LVRN: variants seen among roughly 807,000 people sequenced by gnomAD.
LVRN encodes the protein aminopeptidase Q.
Under a neutral mutation model 111.4 loss-of-function variants are expected in LVRN, and 99 were observed. The ratio of observed to expected loss-of-function variants is 0.89; its 90% confidence interval spans 0.76 to 1.05. LVRN has a LOEUF of 1.05. Ranked by LOEUF, LVRN falls within the 50% of genes least tolerant of loss-of-function variation. The pLI, the probability that LVRN is intolerant of heterozygous loss-of-function variation, is 0.00. For synonymous variants in LVRN, 488 were observed against 449.5 expected, an observed-to-expected ratio of 1.09 and a Z score of -1.08; for missense variants, 1,414 against 1,206.8, an observed-to-expected ratio of 1.17 and a Z score of -2.54.
chr5:115,966,634 A>G (rs774914350), intron 1 of LVRN, among the ~76,000 whole-genome samples: 1 of 152,202 alleles, frequency 6.6e-6, no homozygotes. Flanking sequence ...TTTTTGTGTG[A>G]ACACAGTATT....
intron 1 of LVRN, among the ~76,000 whole-genome samples, chr5:115,965,065 C>T (rs919169173): frequency 1.3e-5 from 2 of 152,158 alleles, no homozygotes; most frequent in Non-Finnish European, 2.9e-5. Flanking sequence ...GAGTCTGTTT[C>T]CTCATTCACG....
chr5:116,010,996 C>T, intron 14 of LVRN, 102 bp downstream of exon 14: 1 of 654,810 alleles, frequency 1.5e-6, no homozygotes, highest in Non-Finnish European at 2.0e-6. Flanking sequence ...AAGTAATAGT[C>T]TTAGTTCCAT....
intron 4 of LVRN, among the ~76,000 whole-genome samples, 169 bp from the exon 5 acceptor site, chr5:115,991,946 AATTTATTT>A (rs1748000741): frequency 6.6e-6 from 1 of 152,204 alleles, no homozygotes; most frequent in African/African-American, 2.4e-5. Context: ...TAGTGAAAAT[AATTTATTT>A]GCTGGCTTTT....
At chr5:116,012,339 C>T (rs775491573) in intron 14 of LVRN, 35 bp from the exon 15 acceptor site, 1 of 1,169,482 alleles carries the variant, frequency 8.6e-7, no homozygotes, top group Admixed American at 2.1e-5. Flanking sequence ...GTTTGCAAGC[C>T]AGAACTAACA....
chr5:115,988,432 G>A (rs186477152), intron 4 of LVRN, among the ~76,000 whole-genome samples: 1,659 of 151,836 alleles, frequency 0.011, 19 homozygotes, highest in Non-Finnish European at 0.019. Flanking sequence ...AATCATATGT[G>A]AATATAATAT....
intron 9 of LVRN, 25 bp from the exon 10 acceptor site, chr5:116,001,042 C>G: frequency 6.4e-7 from 1 of 1,573,338 alleles, no homozygotes; most frequent in African/African-American, 1.4e-5. Flanking sequence ...ACCTTACCTG[C>G]CTTTGTGGTG....
intron 1 of LVRN, among the ~76,000 whole-genome samples, chr5:115,971,103 A>G (rs1753315588): frequency 1.3e-5 from 2 of 152,174 alleles, no homozygotes; most frequent in African/African-American, 2.4e-5. Context: ...TATTTTCCCA[A>G]TGACTAAAAA....
chr5:115,974,276 A>T (rs1265378385), intron 1 of LVRN, among the ~76,000 whole-genome samples: 1 of 152,188 alleles, frequency 6.6e-6, no homozygotes, highest in Admixed American at 6.5e-5. Context: ...CAAGTTGTTC[A>T]TAGGAGGTCA....
At chr5:115,967,959 G>C (rs1753237543) in intron 1 of LVRN, among the ~76,000 whole-genome samples, 3 of 152,148 alleles carry the variant, frequency 2.0e-5, no homozygotes, top group African/African-American at 7.2e-5. Context: ...GAACTCATGA[G>C]ATCTAGAGCT....
At chr5:115,997,409 AT>A (rs1427395603) in intron 6 of LVRN, among the ~76,000 whole-genome samples, 1 of 152,182 alleles carries the variant, frequency 6.6e-6, no homozygotes, top group East Asian at 1.9e-4. Context: ...CATGCCTGTG[AT>A]CCCAACACTT....
In LVRN at chr5:116,015,598, A is replaced by G. The variant is rs145517233; in HGVS notation, c.2619-30A>G. On this transcript the variant is annotated intron_variant, in intron 17 of 19. Transcript: ENST00000357872. ...TTAACTCTTTATGTTGGATGTTTAA[A>G]ATGTATTTTTTGAAAATGCACTTTT... is the stretch of plus-strand genomic sequence containing the variant. The G allele has an allele frequency of 6.3e-4, 999 of 1,584,634 alleles. 13 individuals are homozygous for G. In the East Asian group the frequency reaches 0.019, roughly 30 times the overall value.
chr5:116,003,567 G>GTT (rs561117310), intron 12 of LVRN, among the ~76,000 whole-genome samples, 187 bp downstream of exon 12: 1,449 of 123,588 alleles, frequency 0.012, 26 homozygotes, highest in African/African-American at 0.038. Flanking sequence ...TTGTCTGTGT[G>GTT]GTTTTTTTTT....
At chr5:115,967,155 A>G (rs1392955229) in intron 1 of LVRN, among the ~76,000 whole-genome samples, 1 of 152,144 alleles carries the variant, frequency 6.6e-6, no homozygotes, top group Non-Finnish European at 1.5e-5. Context: ...GTTTTACTTT[A>G]ATTTTGATGA....
chr5:115,981,150 A>G (rs1283582548), intron 1 of LVRN, among the ~76,000 whole-genome samples: 2 of 152,164 alleles, frequency 1.3e-5, no homozygotes, highest in Non-Finnish European at 1.5e-5. Context: ...ATCCCCTTAA[A>G]GACAGTAACC....
At chr5:115,964,775 A>G (rs1753167724) in intron 1 of LVRN, among the ~76,000 whole-genome samples, 1 of 152,228 alleles carries the variant, frequency 6.6e-6, no homozygotes, top group Non-Finnish European at 1.5e-5. Flanking sequence ...CCATATTTTC[A>G]GAACATTAAA....
At chr5:115,999,294 T>C (rs1455160712) in intron 6 of LVRN, among the ~76,000 whole-genome samples, 1 of 152,238 alleles carries the variant, frequency 6.6e-6, no homozygotes, top group Non-Finnish European at 1.5e-5. Flanking sequence ...TTTATGGATT[T>C]ATTTTCAATT....
At chr5:115,963,611 A>G (rs1162349649) in intron 1 of LVRN, among the ~76,000 whole-genome samples, 1 of 152,204 alleles carries the variant, frequency 6.6e-6, no homozygotes, top group East Asian at 1.9e-4. Flanking sequence ...CGCAAGGACA[A>G]AAAACCAAAC....
chr5:115,963,280 C>T lies in LVRN; in HGVS notation c.663C>T (p.Phe221=), dbSNP rs1445708. ...AGGAAGACCTCAGGGAGGGACTCTT[C>T]CTCAACGTCTACACCGACCAGGGCG... ...LVKEDLREGL[F]LNVYTDQGER... The change falls in exon 1 of 20, where the codon TTC becomes TTT. Residue 221 remains phenylalanine, a synonymous_variant. Coordinates refer to ENST00000357872, the MANE Select transcript of LVRN (RefSeq NM_173800.5). 658,175 of 1,611,318 alleles carry T rather than the reference C, an allele frequency of 0.41. 136,064 individuals carry two copies. Among genetic ancestry groups the T allele is most frequent in the South Asian group, 0.47 (42,932 of 90,748 alleles).
intron 6 of LVRN, 151 bp from the exon 7 acceptor site, chr5:115,999,611 T>A (rs1748194133): frequency 1.3e-6 from 1 of 748,848 alleles, no homozygotes; most frequent in Admixed American, 3.2e-5. Flanking sequence ...GAATCCTGAC[T>A]TTATTTGGCA....
Sources: allele counts gnomAD v4.1 joint callset (sites outside exome capture counted in the v4.1 genomes callset), GRCh38; gene constraint gnomAD v4.1.1; transcripts MANE v1.5; gene names NCBI Gene and HGNC (gene_info 2026-07-23, HGNC 2026-07-21).